CEP112: variants seen among roughly 807,000 people sequenced by gnomAD.
The protein encoded by CEP112 is centrosomal protein of 112 kDa.
In CEP112, 127 loss-of-function variants were observed where a neutral mutation model predicts 153.0. The ratio of observed to expected loss-of-function variants is 0.83; its 90% CI spans 0.72 to 0.96. The LOEUF (loss-of-function observed/expected upper bound fraction) is 0.96. Among genes scored for constraint, CEP112 ranks in the 40% least tolerant of loss-of-function variants. The pLI is 0.00. For synonymous variants in CEP112, 358 were observed against 374.4 expected (o/e 0.96, Z 0.51); for missense variants, 1,089 against 1,101.2 (o/e 0.99, Z 0.16).
intron 4 of CEP112, among the ~76,000 whole-genome samples, chr17:66,152,627 A>G (rs187308685): frequency 5.3e-5 from 8 of 152,316 alleles, no homozygotes; most frequent in Admixed American, 4.6e-4. Context: ...AAAAGATGGT[A>G]TATCTCAGAG....
intron 21 of CEP112, among the ~76,000 whole-genome samples, chr17:65,806,077 AATT>A (rs1184203783): frequency 3.9e-5 from 6 of 152,240 alleles, no homozygotes; most frequent in Non-Finnish European, 8.8e-5. Flanking sequence ...AAGACCCAAG[AATT>A]ATTCTTGACA....
chr17:65,756,733 G>A (rs1370975785), intron 21 of CEP112, among the ~76,000 whole-genome samples: 1 of 152,114 alleles, frequency 6.6e-6, no homozygotes, highest in Admixed American at 6.5e-5. Flanking sequence ...GAATAGAGAG[G>A]TGAATTGTTT....
intron 8 of CEP112, among the ~76,000 whole-genome samples, chr17:66,086,193 T>C (rs571274831): frequency 3.9e-5 from 6 of 151,990 alleles, no homozygotes; most frequent in Non-Finnish European, 7.4e-5. Flanking sequence ...AAGAATGCTA[T>C]TTATTGTTTT....
At chr17:65,849,097 C>T (rs996192876) in intron 21 of CEP112, among the ~76,000 whole-genome samples, 6 of 152,188 alleles carry the variant, frequency 3.9e-5, no homozygotes, top group Admixed American at 1.3e-4. Context: ...TGGAGACTTT[C>T]GATGATCCTG....
chr17:65,656,477 T>A (rs1301992362), intron 24 of CEP112, among the ~76,000 whole-genome samples: 2 of 152,228 alleles, frequency 1.3e-5, no homozygotes, highest in Non-Finnish European at 2.9e-5. Context: ...GCGTGTTGCA[T>A]CTGTTAGACC....
intron 24 of CEP112, among the ~76,000 whole-genome samples, chr17:65,644,905 T>C (rs1359731663): frequency 6.6e-6 from 1 of 152,136 alleles, no homozygotes; most frequent in Non-Finnish European, 1.5e-5. Context: ...GCCAATCTGA[T>C]TTTTTTCATG....
intron 6 of CEP112, among the ~76,000 whole-genome samples, chr17:66,128,865 T>C (rs1386896483): frequency 3.3e-5 from 5 of 152,176 alleles, no homozygotes; most frequent in Non-Finnish European, 7.3e-5. Flanking sequence ...GCATTTATAA[T>C]AAATTTTGTT....
At chr17:65,819,019 C>A (rs557780167) in intron 21 of CEP112, among the ~76,000 whole-genome samples, 1 of 151,868 alleles carries the variant, frequency 6.6e-6, no homozygotes, top group Non-Finnish European at 1.5e-5. Flanking sequence ...TGGTGAGAAT[C>A]TCTTGTAATT....
chr17:65,932,969 A>C (rs1341423237), intron 18 of CEP112, among the ~76,000 whole-genome samples: 1 of 152,188 alleles, frequency 6.6e-6, no homozygotes, highest in Non-Finnish European at 1.5e-5. Flanking sequence ...CAGACAAAAG[A>C]ATTAGTTTGA....
intron 11 of CEP112, among the ~76,000 whole-genome samples, chr17:66,057,221 CA>C (rs1390506125): frequency 6.6e-6 from 1 of 152,140 alleles, no homozygotes; most frequent in African/African-American, 2.4e-5. Flanking sequence ...AGGCAAGAGA[CA>C]GGGGTCTCCT....
intron 21 of CEP112, among the ~76,000 whole-genome samples, chr17:65,812,535 A>G (rs2056037397): frequency 6.6e-6 from 1 of 152,204 alleles, no homozygotes; most frequent in Non-Finnish European, 1.5e-5. Flanking sequence ...AGCAGCTGAC[A>G]AGGGCACCTG....
At chr17:65,647,108 A>G (rs7218558) in intron 24 of CEP112, among the ~76,000 whole-genome samples, 21,614 of 151,824 alleles carry the variant, frequency 0.14, 1,942 homozygotes, top group East Asian at 0.48. Flanking sequence ...AATTTGTCAC[A>G]TGGCAAAATG....
chr17:65,655,844 T>C (rs1325528596), intron 24 of CEP112, among the ~76,000 whole-genome samples: 1 of 152,168 alleles, frequency 6.6e-6, no homozygotes, highest in Admixed American at 6.6e-5. Context: ...ATATAAGCAA[T>C]ACCCTTTACT....
Position 65,914,470 on chromosome 17 carries a change from T to C in CEP112, c.1981-12136A>G, listed in dbSNP as rs191577019. On this transcript the variant is annotated intron_variant, in intron 19 of 26. Coordinates refer to ENST00000535342, the MANE Select transcript of CEP112 (RefSeq NM_001199165.4). ...ATTCATCATTTTGAATGAAACAAGG[T>C]GGCATTCGAAAAACAGAATTACAAG... Among the ~76,000 whole-genome samples, 1,263 of 152,106 alleles carry C rather than the reference T, an allele frequency of 8.3e-3. 20 individuals carry two copies. The highest frequency in any genetic ancestry group is 0.015 in the Non-Finnish European group (1,017 of 68,006).
At chr17:65,966,803 T>C (rs1040874607) in intron 17 of CEP112, among the ~76,000 whole-genome samples, 9 of 152,236 alleles carry the variant, frequency 5.9e-5, no homozygotes, top group Non-Finnish European at 8.8e-5. Context: ...GTAAACCCTG[T>C]AGACAGCTAA....
intron 24 of CEP112, among the ~76,000 whole-genome samples, chr17:65,666,132 G>A (rs2046678393): frequency 6.6e-6 from 1 of 152,200 alleles, no homozygotes; most frequent in Admixed American, 6.5e-5. Flanking sequence ...ATGTTGCCAG[G>A]TTTTTTGGGC....
intron 23 of CEP112, among the ~76,000 whole-genome samples, chr17:65,694,262 TG>T (rs2048258316): frequency 6.6e-6 from 1 of 152,108 alleles, no homozygotes; most frequent in Non-Finnish European, 1.5e-5. Context: ...AGAAATCTGG[TG>T]GAAGTCCAGA....
chr17:65,876,162 T>C (rs2058818509), intron 20 of CEP112, among the ~76,000 whole-genome samples: 2 of 152,188 alleles, frequency 1.3e-5, no homozygotes, highest in Non-Finnish European at 2.9e-5. Context: ...TCTCTTCTCT[T>C]CTCCTGGACA....
chr17:65,679,149 T>C, intron 24 of CEP112, among the ~76,000 whole-genome samples: 1 of 110,582 alleles, frequency 9.0e-6, no homozygotes, highest in Non-Finnish European at 1.9e-5. Flanking sequence ...TTTTTTTTTT[T>C]TTTTTTTTTT....
Sources: allele counts gnomAD v4.1 joint callset (sites outside exome capture counted in the v4.1 genomes callset), GRCh38; gene constraint gnomAD v4.1.1; transcripts MANE v1.5; gene names NCBI Gene and HGNC (gene_info 2026-07-23, HGNC 2026-07-21).